Variants in KDM1A observed in about 807,000 individuals in gnomAD.
KDM1A encodes lysine demethylase 1A.
KDM1A carries 49 observed loss-of-function variants against 109.4 expected under a neutral mutation model. The observed-to-expected ratio is 0.45, with a 90% CI of 0.36 to 0.57. The LOEUF (loss-of-function observed/expected upper bound fraction) is 0.57. KDM1A is among the 20% of genes least tolerant of loss of function. The pLI is 0.00. For missense variants in KDM1A, 668 were observed against 1,116.6 expected, an observed-to-expected ratio of 0.60 and a Z score of 5.73; for synonymous variants, 380 against 415.4, an observed-to-expected ratio of 0.91 and a Z score of 1.04.
At chr1:23,064,999 G>A (rs539118470) in intron 9 of KDM1A, among the ~76,000 whole-genome samples, 1 of 152,288 alleles carries the variant, frequency 6.6e-6, no homozygotes, top group South Asian at 2.1e-4. Context: ...TTAGTTTGCT[G>A]TTACAAGTTC....
chr1:23,056,105 C>T, intron 7 of KDM1A, 67 bp downstream of exon 7: 1 of 1,040,948 alleles, frequency 9.6e-7, no homozygotes, highest in Non-Finnish European at 1.5e-6. Context: ...TTATCTGTTG[C>T]AAATTAAAGA....
intron 3 of KDM1A, among the ~76,000 whole-genome samples, chr1:23,048,641 C>A (rs998155021): frequency 1.3e-5 from 2 of 152,084 alleles, no homozygotes; most frequent in African/African-American, 4.8e-5. Context: ...GGCGTTTTTG[C>A]TTGACCACTT....
At chr1:23,071,454 C>A in intron 13 of KDM1A, 95 bp downstream of exon 13, 1 of 1,196,460 alleles carries the variant, frequency 8.4e-7, no homozygotes, top group Non-Finnish European at 1.2e-6. Flanking sequence ...ACTAGCCAAT[C>A]ACAAGTGCCT....
At chr1:23,052,573 G>C (rs888928552) in intron 4 of KDM1A, among the ~76,000 whole-genome samples, 22 of 152,176 alleles carry the variant, frequency 1.4e-4, no homozygotes, top group African/African-American at 5.3e-4. Flanking sequence ...AGTTTGTCAT[G>C]CATTTTGCAA....
chr1:23,082,693 A>C, intron 20 of KDM1A: 1 of 229,604 alleles, frequency 4.4e-6, no homozygotes, highest in Non-Finnish European at 8.6e-6. Flanking sequence ...GTAAGGTCTC[A>C]ATTACTAGGG....
chr1:23,054,195 A>G (rs1430887648), intron 5 of KDM1A, among the ~76,000 whole-genome samples: 3 of 152,132 alleles, frequency 2.0e-5, no homozygotes, highest in African/African-American at 4.8e-5. Context: ...AAAGTAAATG[A>G]GTGTTATAAC....
intron 16 of KDM1A, 92 bp downstream of exon 16, chr1:23,077,452 T>G: frequency 7.4e-7 from 1 of 1,357,108 alleles, no homozygotes; most frequent in Non-Finnish European, 9.9e-7. Flanking sequence ...CATTTCCTGA[T>G]AGAGTGTTTA....
At chr1:23,080,490 C>T (rs1012507130) in intron 18 of KDM1A, among the ~76,000 whole-genome samples, 3 of 152,212 alleles carry the variant, frequency 2.0e-5, no homozygotes, top group Non-Finnish European at 4.4e-5. Context: ...ACTGCTATTC[C>T]TGCTTCTTTT....
intron 3 of KDM1A, among the ~76,000 whole-genome samples, chr1:23,046,601 T>G (rs1642510936): frequency 6.6e-6 from 1 of 152,202 alleles, no homozygotes; most frequent in Non-Finnish European, 1.5e-5. Flanking sequence ...TTTAATGGAA[T>G]AGAGGACCTG....
At chr1:23,075,525 C>T (rs1228983147) in intron 15 of KDM1A, among the ~76,000 whole-genome samples, 1 of 149,716 alleles carries the variant, frequency 6.7e-6, no homozygotes, top group East Asian at 2.0e-4. Context: ...GAGCGGAGAT[C>T]GCGCCATTGC....
At position 23,055,943 on chromosome 1, in the gene KDM1A, G is replaced by A; in HGVS notation, c.895G>A (p.Gly299Arg). ...RIKPLPTKKT[G>R]KVIIIGSGVS... is the part of the protein sequence containing the mutation. The stretch of plus-strand genomic sequence containing the variant: ...TTTTTTGCTTTTAGCTAAAAAGACA[G>A]GAAAGGTAATTATTATAGGCTCTGG... The change falls in exon 7 of 21, where the codon GGA (glycine) becomes AGA (arginine). Residue 299 changes from glycine (G) to arginine (R), a missense_variant. By Grantham distance (125) the Gly-to-Arg change is moderately radical. Transcript: ENST00000400181. 6.2e-7 allele frequency: 1 copy of A among 1,605,644 alleles called. No individual in the cohort carries two copies. The highest frequency in any genetic ancestry group is 8.5e-7 in the Non-Finnish European group (1 of 1,175,984).
At chr1:23,049,255 A>C (rs1407204552) in intron 3 of KDM1A, among the ~76,000 whole-genome samples, 4 of 151,996 alleles carry the variant, frequency 2.6e-5, no homozygotes, top group African/African-American at 9.7e-5. Context: ...AACTCTTTAA[A>C]TTGAATCTTG....
chr1:23,019,881 C>G lies in KDM1A; in HGVS notation c.285C>G (p.Thr95=), dbSNP rs1641561869. 10 of 1,561,084 alleles carry G rather than the reference C, an allele frequency of 6.4e-6. No homozygotes were observed. The highest frequency in any genetic ancestry group is 8.6e-6 in the Non-Finnish European group (10 of 1,156,764). The change falls in exon 1 of 21, where the codon ACC becomes ACG. Residue 95 remains threonine, a synonymous_variant. Transcript: ENST00000400181. ...CTACTGTCGTGCCTGGGTCTGCGAC[C>G]CCCATGGAAACTGGAATAGCAGAGA... ...AGPTVVPGSA[T]PMETGIAETP...
chr1:23,079,517 C>T lies in KDM1A; in HGVS notation c.2056-36C>T, dbSNP rs369836490. 3.2e-4 allele frequency: 477 copies of T among 1,503,788 alleles called. No homozygotes were observed. Among genetic ancestry groups the T allele is most frequent in the Non-Finnish European group, 4.2e-4 (456 of 1,085,526 alleles). The allele number at this position is 1,503,788 out of a possible 1,614,324, so 93.2% of individuals were successfully genotyped here. A position where few individuals can be genotyped will look rare whatever the true frequency, so the allele number is the denominator to read the frequency against. On this transcript the variant is annotated intron_variant, in intron 17 of 20. Coordinates refer to ENST00000400181, the MANE Select transcript of KDM1A (RefSeq NM_001009999.3). This position sits in a 1 kb window ranked among gnomAD's most constrained non-coding sequence, Gnocchi z 5.6. ...CTGTTGAAGCCAGTATTATCTGGCC[C>T]CTGTCACTGGCTCATGTGCTTCTTT...
At position 23,049,152 on chromosome 1, in the gene KDM1A, C is replaced by CAAAA. The variant is rs5773034; in HGVS notation, c.578-1214_578-1211dup. On this transcript the variant is annotated intron_variant, in intron 3 of 20. Coordinates refer to ENST00000400181, the MANE Select transcript of KDM1A (RefSeq NM_001009999.3). Reference sequence around the variant, plus strand: ...TGGGCGACAGAGTGAGACTCCCTCTCAAAAAAAAAAAAAAAAAAAAAAAAT... The same window carrying CAAAA: ...TGGGCGACAGAGTGAGACTCCCTCTCAAAAAAAAAAAAAAAAAAAAAAAAAAAAT... Among the ~76,000 whole-genome samples the CAAAA allele has an allele frequency of 8.9e-3, 670 of 75,176 alleles. 32 individuals carry two copies. Among genetic ancestry groups the CAAAA allele is most frequent in the African/African-American group, 0.033 (626 of 18,904 alleles). The allele number at this position is 75,176 out of a possible 152,430, so 49.3% of individuals were successfully genotyped here. A position where few individuals can be genotyped will look rare whatever the true frequency, so the allele number is the denominator to read the frequency against.
chr1:23,042,076 A>G (rs1339223684), intron 2 of KDM1A, among the ~76,000 whole-genome samples: 3 of 152,152 alleles, frequency 2.0e-5, no homozygotes, highest in Admixed American at 6.5e-5. Flanking sequence ...TTATAGTTGG[A>G]AAAGAAGGGA....
chr1:23,040,816 C>T (rs1157043115), intron 2 of KDM1A, among the ~76,000 whole-genome samples: 1 of 152,026 alleles, frequency 6.6e-6, no homozygotes, highest in African/African-American at 2.4e-5. Context: ...TAAAAAGAGT[C>T]TCTGCTTCAA....
chr1:23,063,231 G>GGT (rs755287896), intron 9 of KDM1A, among the ~76,000 whole-genome samples: 557 of 28,816 alleles, frequency 0.019, 45 homozygotes, highest in Non-Finnish European at 0.04. Flanking sequence ...GGTGTGTGTG[G>GGT]GTGTGTGTGT....
At chr1:23,059,284 T>G in intron 9 of KDM1A, 117 bp downstream of exon 9, 1 of 768,894 alleles carries the variant, frequency 1.3e-6, no homozygotes, top group Non-Finnish European at 2.3e-6. Context: ...TATATATATA[T>G]AAACTGAGGG....
Sources: gnomAD v4.1 joint callset for allele counts (sites outside exome capture counted in the v4.1 genomes callset) on GRCh38, gnomAD v4.1.1 for gene constraint, Gnocchi (gnomAD v3.1) non-coding constraint, MANE v1.5 for transcripts, NCBI Gene and HGNC (gene_info 2026-07-23, HGNC 2026-07-21) for gene names.